The following SHROOM3 variants were observed in gnomAD, a reference collection of about 807,000 sequenced individuals.
SHROOM3 encodes protein Shroom3.
A neutral mutation model predicts 138.6 loss-of-function variants in SHROOM3; 47 were observed. The ratio of observed to expected loss-of-function variants is 0.34; its 90% CI spans 0.27 to 0.43. The LOEUF is 0.43. Among genes scored for constraint, SHROOM3 ranks in the 20% least tolerant of loss-of-function variants. The pLI is 1.00. For missense variants in SHROOM3, 2,491 were observed against 2,596.5 expected, an observed-to-expected ratio of 0.96 and a Z score of 0.88; for synonymous variants, 1,062 against 1,063.3, an observed-to-expected ratio of 1.00 and a Z score of 0.02.
chr4:76,606,577 C>A (rs190131873), intron 2 of SHROOM3, among the ~76,000 whole-genome samples: 1 of 152,064 alleles, frequency 6.6e-6, no homozygotes, highest in Non-Finnish European at 1.5e-5. Context: ...GTGGCAGGTG[C>A]CTGTAATCTC....
chr4:76,617,904 A>G (rs1342407515), intron 2 of SHROOM3, among the ~76,000 whole-genome samples: 2 of 152,254 alleles, frequency 1.3e-5, no homozygotes, highest in South Asian at 2.1e-4. Context: ...TGTTTACTGT[A>G]TATTAGGTTT....
chr4:76,550,639 G>T (rs1733331532), intron 1 of SHROOM3, among the ~76,000 whole-genome samples: 1 of 152,140 alleles, frequency 6.6e-6, no homozygotes, highest in South Asian at 2.1e-4. Context: ...AGTATGGAGA[G>T]ATGTGAGAAT....
At chr4:76,775,272 G>T (rs1161182371) in intron 10 of SHROOM3, among the ~76,000 whole-genome samples, 7 of 151,960 alleles carry the variant, frequency 4.6e-5, no homozygotes, top group Admixed American at 4.6e-4. Context: ...CCAGGTTGCT[G>T]TAAATGCCAT....
At chr4:76,513,048 C>G (rs956311939) in intron 1 of SHROOM3, among the ~76,000 whole-genome samples, 2 of 152,152 alleles carry the variant, frequency 1.3e-5, no homozygotes, top group Admixed American at 6.5e-5. Flanking sequence ...AAGTCACCCT[C>G]CACAGATGCA....
At chr4:76,686,793 A>T (rs1350842414) in intron 2 of SHROOM3, among the ~76,000 whole-genome samples, 1 of 152,174 alleles carries the variant, frequency 6.6e-6, no homozygotes, top group Non-Finnish European at 1.5e-5. Context: ...GTAGGTTGAA[A>T]TGTTTAAGAG....
intron 1 of SHROOM3, among the ~76,000 whole-genome samples, chr4:76,530,706 C>T (rs1371735253): frequency 6.6e-6 from 1 of 152,146 alleles, no homozygotes; most frequent in African/African-American, 2.4e-5. Context: ...ATGGACAGAT[C>T]ACATGAGATC....
intron 2 of SHROOM3, among the ~76,000 whole-genome samples, chr4:76,703,496 G>C (rs1328438583): frequency 2.0e-5 from 3 of 152,126 alleles, no homozygotes; most frequent in Non-Finnish European, 4.4e-5. Flanking sequence ...CCTATGTTTG[G>C]CTAAGAACAG....
Position 76,562,516 on chromosome 4 carries a change from T to A in SHROOM3, c.323+6753T>A, listed in dbSNP as rs7695085. 5.6e-3 allele frequency among the ~76,000 whole-genome samples: 849 copies of A among 152,330 alleles called. 11 individuals are homozygous for A. Among genetic ancestry groups the A allele is most frequent in the African/African-American group, 0.019 (809 of 41,572 alleles). On this transcript the variant is annotated intron_variant, in intron 2 of 10. Coordinates refer to ENST00000296043, the MANE Select transcript of SHROOM3 (RefSeq NM_020859.4). Reference sequence around the variant, plus strand: ...AGAAATACTTTGTAATGAACTTTTTTAAGTCCTCTGAAAGGATACAAAATT... The same window carrying A: ...AGAAATACTTTGTAATGAACTTTTTAAAGTCCTCTGAAAGGATACAAAATT...
intron 2 of SHROOM3, chr4:76,586,563 G>C: frequency 1.2e-6 from 1 of 845,146 alleles, no homozygotes; most frequent in Non-Finnish European, 1.4e-6. Context: ...ACTAAAGAGA[G>C]GTAGGGAAGT....
intron 2 of SHROOM3, among the ~76,000 whole-genome samples, chr4:76,627,153 A>T (rs1345042766): frequency 6.6e-6 from 1 of 152,066 alleles, no homozygotes; most frequent in Non-Finnish European, 1.5e-5. Flanking sequence ...ACTTTGGGGG[A>T]TGCGAGTAGG....
At chr4:76,627,539 C>T (rs1735181611) in intron 2 of SHROOM3, among the ~76,000 whole-genome samples, 1 of 152,094 alleles carries the variant, frequency 6.6e-6, no homozygotes, top group Non-Finnish European at 1.5e-5. Context: ...GGGAGAATGC[C>T]TATTTTAAGC....
intron 10 of SHROOM3, among the ~76,000 whole-genome samples, chr4:76,773,782 T>A (rs1328908832): frequency 6.6e-6 from 1 of 152,180 alleles, no homozygotes; most frequent in African/African-American, 2.4e-5. Context: ...GGGAGCCCAG[T>A]GGATGCAACC....
rs1191304513 is a variant in SHROOM3 at position 76,621,818 on chromosome 4, A to C, written c.323+66055A>C. Among the ~76,000 whole-genome samples, 3 of 150,688 alleles carry C rather than the reference A, an allele frequency of 2.0e-5. No individual in the cohort carries two copies. The South Asian group carries it at 6.3e-4, about 32-fold the overall frequency. ...CCAGCGTTTTCTTTAGGTCTGAGAC[A>C]GTTTGAATGTTCTTTTTTTTTTTTT... On this transcript the variant is annotated intron_variant, in intron 2 of 10. Coordinates refer to ENST00000296043, the MANE Select transcript of SHROOM3 (RefSeq NM_020859.4).
chr4:76,531,618 A>G lies in SHROOM3; in HGVS notation c.169-23991A>G, dbSNP rs77326500. ...ATTGTATTTTTCTCATGGGGTTGCT[A>G]TAAGGAATAAATATTGATCTCTGCA... On this transcript the variant is annotated intron_variant, in intron 1 of 10. Transcript: ENST00000296043. Among the ~76,000 whole-genome samples, 731 of 152,306 alleles carry G rather than the reference A, an allele frequency of 4.8e-3. 5 individuals are homozygous for G. Among genetic ancestry groups the G allele is most frequent in the African/African-American group, 0.017 (701 of 41,552 alleles).
chr4:76,778,715 A>G lies in SHROOM3; in HGVS notation c.5623-94A>G, dbSNP rs557380532. 3 of 1,555,262 alleles carry G rather than the reference A, an allele frequency of 1.9e-6. No individual in the cohort carries two copies. The African/African-American group carries it at 4.1e-5, about 21-fold the overall frequency. The stretch of plus-strand genomic sequence containing the variant: ...GTGACAATAGGAATAGAGCTTAGAT[A>G]TTTCCCAGTCCTGTCAGAGGTGTCC... On this transcript the variant is annotated intron_variant, in intron 10 of 10. Transcript: ENST00000296043.
At position 76,756,664 on chromosome 4, in the gene SHROOM3, A is replaced by G; in HGVS notation, c.4925A>G (p.His1642Arg). 6.2e-7 allele frequency: 1 copy of G among 1,614,112 alleles called. No individual in the cohort carries two copies. Among genetic ancestry groups the G allele is most frequent in the Non-Finnish European group, 8.5e-7 (1 of 1,180,002 alleles). Reference sequence around the variant, plus strand: ...CCCATCCAGACTCAAAGCCTCAGCCATGATCCAGTCAGTGGAACTCAGGGT... The same window carrying G: ...CCCATCCAGACTCAAAGCCTCAGCCGTGATCCAGTCAGTGGAACTCAGGGT... ...PAPIQTQSLSHDPVSGTQGLE... is the reference protein window; with the variant it reads ...PAPIQTQSLSRDPVSGTQGLE... The change falls in exon 8 of 11, where the codon CAT (histidine) becomes CGT (arginine). Residue 1642 changes from histidine (H) to arginine (R), a missense_variant. His to Arg is a conservative substitution (Grantham distance 29, BLOSUM62 0). Around this residue, in one of 4 missense-constraint regions of SHROOM3, gnomAD observed 470 missense variants for 595.0 expected, o/e 0.79. Coordinates refer to ENST00000296043, the MANE Select transcript of SHROOM3 (RefSeq NM_020859.4).
At chr4:76,479,430 G>A (rs533363976) in intron 1 of SHROOM3, among the ~76,000 whole-genome samples, 8 of 151,936 alleles carry the variant, frequency 5.3e-5, no homozygotes, top group African/African-American at 1.9e-4. Context: ...CAAGATTAGA[G>A]AAAAAAGAAT....
intron 1 of SHROOM3, among the ~76,000 whole-genome samples, chr4:76,480,220 G>A (rs747921981): frequency 1.1e-4 from 17 of 152,216 alleles, no homozygotes; most frequent in Non-Finnish European, 1.6e-4. Flanking sequence ...AAGACCCATC[G>A]GTGTGCTGTA....
At chr4:76,774,515 A>G (rs1257889434) in intron 10 of SHROOM3, among the ~76,000 whole-genome samples, 2 of 152,096 alleles carry the variant, frequency 1.3e-5, no homozygotes, top group Non-Finnish European at 2.9e-5. Context: ...CAATATGAAA[A>G]AAGTGTTCAT....
Sources: allele counts gnomAD v4.1 joint callset (sites outside exome capture counted in the v4.1 genomes callset), GRCh38; gene constraint gnomAD v4.1.1; regional missense constraint gnomAD v4.1.1; transcripts MANE v1.5; gene names NCBI Gene and HGNC (gene_info 2026-07-23, HGNC 2026-07-21).